Variants in DOCK11 observed in about 807,000 individuals in gnomAD.
DOCK11 encodes the protein dedicator of cytokinesis protein 11.
In DOCK11, 70 loss-of-function variants were observed where a neutral mutation model predicts 169.1. The observed-to-expected ratio is 0.41, with a 90% CI of 0.34 to 0.51. The LOEUF (loss-of-function observed/expected upper bound fraction) is 0.51. DOCK11 is among the 20% of genes least tolerant of loss of function. The probability of loss-of-function intolerance (pLI) is 0.10; values close to 1 mark genes in which losing one functional copy is unlikely to be tolerated. For missense variants in DOCK11, 1,166 were observed against 1,538.8 expected (o/e 0.76, Z 4.05); for synonymous variants, 529 against 541.3 (o/e 0.98, Z 0.32).
chrX:118,659,695 A>G (rs1397142274), intron 44 of DOCK11, among the ~76,000 whole-genome samples: 1 of 111,834 alleles, frequency 8.9e-6, no homozygotes, highest in Non-Finnish European at 1.9e-5. Context: ...AAAATTCACA[A>G]TAGTAGTCTT....
At chrX:118,661,609 G>T (rs779862035) in intron 44 of DOCK11, among the ~76,000 whole-genome samples, 2 of 111,889 alleles carry the variant, frequency 1.8e-5, no homozygotes, top group South Asian at 7.5e-4. Context: ...GTGTCTGTGT[G>T]ACTAGCTCCT....
intron 45 of DOCK11, among the ~76,000 whole-genome samples, chrX:118,667,781 A>G (rs2016373499): frequency 8.9e-6 from 1 of 111,738 alleles, no homozygotes; most frequent in African/African-American, 3.2e-5. Flanking sequence ...TTCTCAATCA[A>G]TGGACATTTA....
chrX:118,614,300 A>G (rs945121979), intron 28 of DOCK11, among the ~76,000 whole-genome samples: 2 of 111,745 alleles, frequency 1.8e-5, no homozygotes, highest in African/African-American at 6.5e-5. Flanking sequence ...TCCCTTTGGA[A>G]GTGGGAGTTG....
chrX:118,652,721 G>C (rs2015974736), intron 42 of DOCK11, among the ~76,000 whole-genome samples: 1 of 112,067 alleles, frequency 8.9e-6, no homozygotes, highest in Non-Finnish European at 1.9e-5. Context: ...TGCAGGTTCT[G>C]ATCTTCAGTG....
chrX:118,597,576 A>G, intron 21 of DOCK11, 24 bp downstream of exon 21: 3 of 1,207,223 alleles, frequency 2.5e-6, no homozygotes, highest in African/African-American at 1.7e-5. Context: ...GCATTTGTTG[A>G]AGTAATCATG....
At chrX:118,548,958 G>A (rs2012383747) in intron 6 of DOCK11, among the ~76,000 whole-genome samples, 1 of 111,277 alleles carries the variant, frequency 9.0e-6, no homozygotes, top group African/African-American at 3.3e-5. Flanking sequence ...TAAATTCATA[G>A]AGTGTGTGAT....
At chrX:118,635,920 AG>A (rs1283342809) in intron 35 of DOCK11, among the ~76,000 whole-genome samples, 3 of 111,806 alleles carry the variant, frequency 2.7e-5, no homozygotes, top group Non-Finnish European at 5.6e-5. Context: ...TTTTATTCAC[AG>A]AGCCCTCTGA....
intron 36 of DOCK11, among the ~76,000 whole-genome samples, chrX:118,636,918 G>A (rs1330733760): frequency 8.9e-6 from 1 of 111,897 alleles, no homozygotes; most frequent in Admixed American, 9.5e-5. Flanking sequence ...CTGGACATGG[G>A]AAGTTGTCCT....
intron 1 of DOCK11, among the ~76,000 whole-genome samples, chrX:118,512,690 T>C (rs991156726): frequency 8.9e-6 from 1 of 111,912 alleles, no homozygotes; most frequent in African/African-American, 3.3e-5. Flanking sequence ...CAGATTTCTG[T>C]TGGGAGCCCA....
intron 51 of DOCK11, 56 bp downstream of exon 51, chrX:118,681,850 T>C: frequency 1.0e-6 from 1 of 964,232 alleles, no homozygotes; most frequent in South Asian, 2.6e-5. Context: ...TATTTTCTTC[T>C]TTTAAAAAAC....
chrX:118,616,604 T>G (rs942589478), intron 30 of DOCK11, among the ~76,000 whole-genome samples: 2 of 110,290 alleles, frequency 1.8e-5, no homozygotes, highest in Non-Finnish European at 3.8e-5. Context: ...AGATGCTGTT[T>G]AGTGACACCT....
chrX:118,495,891 C>A lies in DOCK11; in HGVS notation c.-81C>A. The A allele has an allele frequency of 1.8e-6, 1 of 565,549 alleles. No homozygotes were observed. Among genetic ancestry groups the A allele is most frequent in the Non-Finnish European group, 2.3e-6 (1 of 442,056 alleles). 46.6% of individuals were successfully genotyped at this position (565,549 alleles called of 1,213,427 possible). A position where few individuals can be genotyped will look rare whatever the true frequency, so the allele number is the denominator to read the frequency against. ...TAAACAGAGGGAGCAGCAGCGGCCG[C>A]GGCCGCCGCGGGCCGGGGCAGTGAG... On this transcript the variant is annotated 5_prime_UTR_variant, in exon 1 of 53. Transcript: ENST00000276202.
chrX:118,619,041 T>C (rs1048363483), intron 31 of DOCK11, among the ~76,000 whole-genome samples: 4 of 108,094 alleles, frequency 3.7e-5, no homozygotes, highest in African/African-American at 1.3e-4. Context: ...TATTTTTTAG[T>C]AGAGATGGGG....
At chrX:118,647,464 C>A (rs1219119484) in intron 40 of DOCK11, among the ~76,000 whole-genome samples, 1 of 78,899 alleles carries the variant, frequency 1.3e-5, no homozygotes, top group Non-Finnish European at 2.3e-5. Flanking sequence ...TGGCAAAAAC[C>A]GCAATTACTT....
rs2011264480 is a variant in DOCK11 at position 118,521,408 on chromosome X, T to G, written c.103-21317T>G. ...ATTATTATTCATCAATTCACCTCCG[T>G]GTGTAGTTTTTGTATGAAGGGGGAA... On this transcript the variant is annotated intron_variant, in intron 1 of 52. Coordinates refer to ENST00000276202, the MANE Select transcript of DOCK11 (RefSeq NM_144658.4). Among the ~76,000 whole-genome samples the G allele has an allele frequency of 3.5e-5, 4 of 112,778 alleles. No homozygotes were observed. The South Asian group carries it at 1.4e-3, about 41-fold the overall frequency.
At chrX:118,587,954 C>G (rs2013866181) in intron 16 of DOCK11, among the ~76,000 whole-genome samples, 183 bp from the exon 17 acceptor site, 1 of 112,173 alleles carries the variant, frequency 8.9e-6, no homozygotes, top group Non-Finnish European at 1.9e-5. Context: ...CAGCATCAGA[C>G]TACTCAGTCT....
At chrX:118,546,724 C>T (rs138431579) in intron 6 of DOCK11, among the ~76,000 whole-genome samples, 108 of 111,806 alleles carry the variant, frequency 9.7e-4, no homozygotes, top group African/African-American at 3.4e-3. Flanking sequence ...TGCAGTAGCT[C>T]ACACCTGTAG....
At position 118,566,127 on chromosome X, in the gene DOCK11, G is replaced by T; in HGVS notation, c.816G>T (p.Gln272His). 1 of 1,210,057 alleles carries T rather than the reference G, an allele frequency of 8.3e-7. No individual in the cohort carries two copies. The highest frequency in any genetic ancestry group is 1.1e-6 in the Non-Finnish European group (1 of 894,796). The change falls in exon 8 of 53, where the codon CAG (glutamine) becomes CAT (histidine). Residue 272 changes from glutamine (Q) to histidine (H), a missense_variant. By Grantham distance (24) the Gln-to-His change is conservative. Transcript: ENST00000276202. ...EWLITLKKII[Q>H]INTDSLVQEK... The stretch of plus-strand genomic sequence containing the variant: ...TGATAACTTTGAAAAAGATTATTCA[G>T]ATCAACACCGACAGTTTAGTTCAAG...
chrX:118,672,715 G>A lies in DOCK11; in HGVS notation c.5199+1570G>A, dbSNP rs183085785. On this transcript the variant is annotated intron_variant, in intron 46 of 52. Coordinates refer to ENST00000276202, the MANE Select transcript of DOCK11 (RefSeq NM_144658.4). ...CTCCCAAAGTGCTGGGATTACAGGC[G>A]TGAGCCACCGTGCCCGGCCTGGCCA... Among the ~76,000 whole-genome samples, 542 of 113,222 alleles carry A rather than the reference G, an allele frequency of 4.8e-3. 4 individuals are homozygous for A. Among genetic ancestry groups the A allele is most frequent in the African/African-American group, 0.016 (509 of 31,249 alleles).
Sources: allele counts gnomAD v4.1 joint callset (sites outside exome capture counted in the v4.1 genomes callset), GRCh38; gene constraint gnomAD v4.1.1; transcripts MANE v1.5; gene names NCBI Gene and HGNC (gene_info 2026-07-23, HGNC 2026-07-21).